LY86: variants seen among roughly 807,000 people sequenced by gnomAD.
The protein encoded by LY86 is MD-1, RP105-associated.
LY86 carries 20 observed loss-of-function variants against 17.3 expected under a neutral mutation model. The ratio of observed to expected loss-of-function variants is 1.15; its 90% CI spans 0.81 to 1.68. The LOEUF (loss-of-function observed/expected upper bound fraction) is 1.68, where lower values mean the gene tolerates loss of function less well. LY86 is among the 40% of genes most tolerant of loss of function. LY86 has a pLI of 0.00. For missense variants in LY86, 200 were observed against 191.9 expected, an observed-to-expected ratio of 1.04 and a Z score of -0.25; for synonymous variants, 74 against 70.6, an observed-to-expected ratio of 1.05 and a Z score of -0.24.
intron 1 of LY86, among the ~76,000 whole-genome samples, chr6:6,590,829 C>T (rs984179319): frequency 1.3e-5 from 2 of 152,134 alleles, no homozygotes; most frequent in Non-Finnish European, 2.9e-5. Flanking sequence ...ACAACTGCCA[C>T]CCAAAGAGCT....
intron 1 of LY86, among the ~76,000 whole-genome samples, chr6:6,624,417 G>T (rs1761745469): frequency 6.6e-6 from 1 of 151,802 alleles, no homozygotes; most frequent in Non-Finnish European, 1.5e-5. Context: ...GGGTTGGGAT[G>T]GGATGGGATA....
intron 1 of LY86, among the ~76,000 whole-genome samples, chr6:6,605,529 G>A (rs1022086979): frequency 6.6e-6 from 1 of 152,256 alleles, no homozygotes; most frequent in Non-Finnish European, 1.5e-5. Context: ...TCCCCACAAC[G>A]CTACCCCATA....
In LY86 at chr6:6,654,900, C is replaced by T. The variant is rs1280768085; in HGVS notation, c.*273C>T. 1.5e-5 allele frequency: 6 copies of T among 392,348 alleles called. No individual in the cohort carries two copies. In the Admixed American group the frequency reaches 1.7e-4, roughly 11 times the overall value. 24.3% of individuals were successfully genotyped at this position (392,348 alleles called of 1,614,324 possible). On this transcript the variant is annotated 3_prime_UTR_variant, in exon 5 of 5. Coordinates refer to ENST00000230568, the MANE Select transcript of LY86 (RefSeq NM_004271.4). ...GGTCCATCCTTTTTCTCTAATTGGT[C>T]GCCTCCCACCAGACTCACCTGCTTT...
intron 1 of LY86, among the ~76,000 whole-genome samples, chr6:6,596,426 G>T (rs779626569): frequency 1.3e-5 from 2 of 151,896 alleles, no homozygotes; most frequent in South Asian, 2.1e-4. Context: ...AACCTCACAG[G>T]TCATCTAGTC....
intron 3 of LY86, among the ~76,000 whole-genome samples, chr6:6,636,097 G>A (rs752425511): frequency 6.6e-6 from 1 of 152,144 alleles, no homozygotes; most frequent in African/African-American, 2.4e-5. Context: ...ACATCAGGTG[G>A]GGAGTCTGAG....
chr6:6,632,027 A>G (rs1761905272), intron 3 of LY86, among the ~76,000 whole-genome samples: 1 of 152,246 alleles, frequency 6.6e-6, no homozygotes. Context: ...GTCAGAATCC[A>G]GGGCTCTTAG....
intron 1 of LY86, among the ~76,000 whole-genome samples, chr6:6,597,752 G>A (rs1402094754): frequency 6.6e-6 from 1 of 152,244 alleles, no homozygotes; most frequent in Non-Finnish European, 1.5e-5. Context: ...GCCCTCAGCA[G>A]AAGTGAGTGG....
At chr6:6,624,374 AATGGGATGGG>A (rs141299295) in intron 1 of LY86, among the ~76,000 whole-genome samples, 2 of 101,718 alleles carry the variant, frequency 2.0e-5, no homozygotes. Context: ...CATTACATTA[AATGGGATGGG>A]ATGGGATGGG....
In LY86 at chr6:6,627,594, G is replaced by T. The variant is rs139967514; in HGVS notation, c.352+1173G>T. Among the ~76,000 whole-genome samples, 5 of 152,222 alleles carry T rather than the reference G, an allele frequency of 3.3e-5. No individual in the cohort carries two copies. The East Asian group carries it at 7.7e-4, about 24-fold the overall frequency. ...GGACCACGAGCTGCTTGAGGGTAGG[G>T]TCATATCACCTTTGTCTTTTTATTC... is the stretch of plus-strand genomic sequence containing the variant. On this transcript the variant is annotated intron_variant, in intron 3 of 4. Transcript: ENST00000230568.
intron 1 of LY86, among the ~76,000 whole-genome samples, chr6:6,608,356 A>G (rs1761248966): frequency 6.6e-6 from 1 of 152,264 alleles, no homozygotes; most frequent in South Asian, 2.1e-4. Context: ...GATAGCTAGC[A>G]TGCATCGCGT....
intron 1 of LY86, among the ~76,000 whole-genome samples, chr6:6,624,674 A>ATAACC (rs1466969837): frequency 6.6e-6 from 1 of 152,214 alleles, no homozygotes; most frequent in Non-Finnish European, 1.5e-5. Flanking sequence ...AAGTAAAGAT[A>ATAACC]TAACCCAACT....
At chr6:6,610,140 C>T (rs994119806) in intron 1 of LY86, among the ~76,000 whole-genome samples, 2 of 152,136 alleles carry the variant, frequency 1.3e-5, no homozygotes, top group Admixed American at 6.5e-5. Flanking sequence ...ACTACAAGAG[C>T]GAACACGTGC....
chr6:6,622,253 ATTCT>A (rs1480501398), intron 1 of LY86, among the ~76,000 whole-genome samples: 2 of 152,274 alleles, frequency 1.3e-5, no homozygotes, highest in South Asian at 2.1e-4. Context: ...CCCTTAGTTG[ATTCT>A]TTCTATCTAT....
chr6:6,597,742 G>T (rs1238500034), intron 1 of LY86, among the ~76,000 whole-genome samples: 1 of 152,194 alleles, frequency 6.6e-6, no homozygotes, highest in African/African-American at 2.4e-5. Context: ...AGTGCTCCCT[G>T]CCCTCAGCAG....
In LY86 at chr6:6,625,753, A is replaced by G. The variant is rs139941146; in HGVS notation, c.224-540A>G. ...CTGGACTCTAGCAGCAGCTGGAGAAATGTTATGGGGAGAGAAAAAGCGAGA... is the reference window on the plus strand; with the variant it reads ...CTGGACTCTAGCAGCAGCTGGAGAAGTGTTATGGGGAGAGAAAAAGCGAGA... On this transcript the variant is annotated intron_variant, in intron 2 of 4. Transcript: ENST00000230568. 2.0e-5 allele frequency among the ~76,000 whole-genome samples: 3 copies of G among 152,318 alleles called. No homozygotes were observed. In the East Asian group the frequency reaches 5.8e-4, roughly 29 times the overall value.
chr6:6,598,877 C>T (rs942950945), intron 1 of LY86, among the ~76,000 whole-genome samples: 1 of 152,234 alleles, frequency 6.6e-6, no homozygotes, highest in African/African-American at 2.4e-5. Context: ...CAACACTTAG[C>T]TAGTTCATCA....
intron 1 of LY86, among the ~76,000 whole-genome samples, chr6:6,609,630 A>T (rs1761282316): frequency 6.6e-6 from 1 of 152,190 alleles, no homozygotes; most frequent in Non-Finnish European, 1.5e-5. Flanking sequence ...GAGGCTGTTT[A>T]TGAGTCAGCT....
chr6:6,639,301 GC>G (rs1762005429), intron 3 of LY86, among the ~76,000 whole-genome samples: 1 of 151,634 alleles, frequency 6.6e-6, no homozygotes, highest in East Asian at 1.9e-4. Flanking sequence ...GTTCTGAAGG[GC>G]CCTTTGTGGT....
Position 6,617,835 on chromosome 6 carries a change from TTTTG to T in LY86, c.137-7075_137-7072del, listed in dbSNP as rs201226308. Among the ~76,000 whole-genome samples the T allele has an allele frequency of 4.8e-3, 731 of 152,234 alleles. 7 individuals are homozygous for T. Among genetic ancestry groups the T allele is most frequent in the African/African-American group, 0.014 (587 of 41,524 alleles). On this transcript the variant is annotated intron_variant, in intron 1 of 4. Transcript: ENST00000230568. ...TTTGGTTTTTTTGTTTTGTTTTGTTTTTTGTTTGTTTGTTTGTTTTCTTGAGACA... is the reference window on the plus strand; with the variant it reads ...TTTGGTTTTTTTGTTTTGTTTTGTTTTTTGTTTGTTTGTTTTCTTGAGACA...
Sources: gnomAD v4.1 joint callset for allele counts (sites outside exome capture counted in the v4.1 genomes callset) on GRCh38, gnomAD v4.1.1 for gene constraint, MANE v1.5 for transcripts, NCBI Gene and HGNC (gene_info 2026-07-23, HGNC 2026-07-21) for gene names.